UFSP2: variants seen among roughly 807,000 people sequenced by gnomAD.
UFSP2 encodes ufm1-specific protease 2.
A neutral mutation model predicts 60.2 loss-of-function variants in UFSP2; 43 were observed. That is an observed-to-expected ratio of 0.71 (90% CI 0.56 to 0.92). The LOEUF is 0.92. Ranked by LOEUF, UFSP2 falls within the 40% of genes least tolerant of loss-of-function variation. The pLI is 0.00. For synonymous variants in UFSP2, 183 were observed against 195.1 expected, an observed-to-expected ratio of 0.94 and a Z score of 0.52; for missense variants, 520 against 575.0, an observed-to-expected ratio of 0.90 and a Z score of 0.98.
chr4:185,408,448 AAG>A lies in UFSP2; in HGVS notation c.832-15_832-14del. On this transcript the variant is annotated splice_polypyrimidine_tract_variant and intron_variant, in intron 7 of 11. Transcript: ENST00000264689. ...GGACCACATAAATCTATATACAGAG[AAG>A]AAACACAGTAAAATATTAACTTAGG... The A allele has an allele frequency of 6.2e-7, 1 of 1,609,722 alleles. No homozygotes were observed. Among genetic ancestry groups the A allele is most frequent in the South Asian group, 1.1e-5 (1 of 90,710 alleles).
intron 9 of UFSP2, among the ~76,000 whole-genome samples, chr4:185,406,833 C>T (rs1420471654): frequency 6.6e-6 from 1 of 152,048 alleles, no homozygotes; most frequent in Non-Finnish European, 1.5e-5. Flanking sequence ...ACCTTGGCCT[C>T]CCAAAGTGCT....
In UFSP2 at chr4:185,399,867, C is replaced by G; in HGVS notation, c.*525G>C. On this transcript the variant is annotated 3_prime_UTR_variant, in exon 12 of 12. Transcript: ENST00000264689. ...CCATTTAATACTGACACTCGTATTT[C>G]TAGTAGTATTGTTTCATTCTCATTA... 1 of 1,560,380 alleles carries G rather than the reference C, an allele frequency of 6.4e-7. No individual in the cohort carries two copies. Among genetic ancestry groups the G allele is most frequent in the South Asian group, 1.2e-5 (1 of 83,574 alleles).
intron 10 of UFSP2, among the ~76,000 whole-genome samples, chr4:185,405,562 T>C (rs1308722883): frequency 6.6e-6 from 1 of 152,230 alleles, no homozygotes; most frequent in African/African-American, 2.4e-5. Context: ...ATAGCTACCA[T>C]TTCTCAGCCT....
At position 185,402,451 on chromosome 4, in the gene UFSP2, G is replaced by A. The variant is rs1261696241; in HGVS notation, c.1323+1043C>T. ...AAACAAAAGACTTCAGTAAACTGAG[G>A]ATATAACAGAGTTGGACTACACACA... On this transcript the variant is annotated intron_variant, in intron 11 of 11. Transcript: ENST00000264689. The A allele has an allele frequency of 1.3e-5, 5 of 371,154 alleles. No homozygotes were observed. The East Asian group carries it at 2.9e-4, about 21-fold the overall frequency. 23.0% of individuals were successfully genotyped at this position (371,154 alleles called of 1,614,324 possible). A position where few individuals can be genotyped will look rare whatever the true frequency, so the allele number is the denominator to read the frequency against.
chr4:185,403,358 A>C (rs2095515572), intron 11 of UFSP2, 136 bp downstream of exon 11: 1 of 1,130,712 alleles, frequency 8.8e-7, no homozygotes, highest in Non-Finnish European at 1.2e-6. Context: ...ACGGCTACTT[A>C]CAACAGCCTC....
In UFSP2 at chr4:185,399,690, T is replaced by C. The variant is rs777135694; in HGVS notation, c.*702A>G. 7 of 1,614,036 alleles carry C rather than the reference T, an allele frequency of 4.3e-6. No homozygotes were observed. The highest frequency in any genetic ancestry group is 1.6e-4 in the Middle Eastern group (1 of 6,084). On this transcript the variant is annotated 3_prime_UTR_variant, in exon 12 of 12. Transcript: ENST00000264689. ...AGACAATAAAAGCAAGTGAACACCCTGACAGGAATGATTGTGTTGCCGTGC... is the reference window on the plus strand; with the variant it reads ...AGACAATAAAAGCAAGTGAACACCCCGACAGGAATGATTGTGTTGCCGTGC...
At chr4:185,422,727 C>CTTTAA (rs2095551696) in intron 1 of UFSP2, among the ~76,000 whole-genome samples, 164 bp from the exon 2 acceptor site, 1 of 152,168 alleles carries the variant, frequency 6.6e-6, no homozygotes, top group Non-Finnish European at 1.5e-5. Context: ...AAAACAAAAG[C>CTTTAA]AACCCCAAAA....
In UFSP2 at chr4:185,413,747, T is replaced by C. The variant is rs1389313801; in HGVS notation, c.810A>G (p.Pro270=). ...YIRNPHTYLN[P]PNMETGMIYV... ...TCACCATACCAGTCTCCATGTTAGG[T>C]GGATTAAGGTAAGTATGTGGATTTC... Residue 270 remains proline, a synonymous_variant, in exon 7 of 12, where the codon CCA becomes CCG. Coordinates refer to ENST00000264689, the MANE Select transcript of UFSP2 (RefSeq NM_018359.5). The C allele has an allele frequency of 6.2e-7, 1 of 1,611,968 alleles. No homozygotes were observed. The highest frequency in any genetic ancestry group is 8.5e-7 in the Non-Finnish European group (1 of 1,179,328).
At chr4:185,419,933 A>G (rs1304352891) in intron 2 of UFSP2, among the ~76,000 whole-genome samples, 1 of 152,214 alleles carries the variant, frequency 6.6e-6, no homozygotes, top group East Asian at 1.9e-4. Context: ...GATCACCTAG[A>G]ATAGAATTTC....
chr4:185,417,652 T>C (rs1472710279), intron 4 of UFSP2, among the ~76,000 whole-genome samples: 2 of 152,232 alleles, frequency 1.3e-5, no homozygotes, highest in Non-Finnish European at 2.9e-5. Context: ...ATTAACTTCA[T>C]ACAACTTCGT....
intron 7 of UFSP2, 143 bp from the exon 8 acceptor site, chr4:185,408,578 T>G: frequency 1.2e-6 from 1 of 852,154 alleles, no homozygotes; most frequent in Non-Finnish European, 1.8e-6. Context: ...AGATCTATGG[T>G]TTAACATTAT....
At chr4:185,416,066 C>T (rs1280502705) in intron 4 of UFSP2, 199 bp from the exon 5 acceptor site, 1 of 415,892 alleles carries the variant, frequency 2.4e-6, no homozygotes, top group African/African-American at 2.0e-5. Flanking sequence ...ACTGAGATAA[C>T]TCACTACCCT....
chr4:185,413,070 C>G (rs140066463), intron 7 of UFSP2, among the ~76,000 whole-genome samples: 1 of 152,140 alleles, frequency 6.6e-6, no homozygotes, highest in African/African-American at 2.4e-5. Context: ...CTTTGGGAGG[C>G]CTACATGGCG....
chr4:185,417,007 G>T (rs2095539884), intron 4 of UFSP2, among the ~76,000 whole-genome samples: 1 of 152,182 alleles, frequency 6.6e-6, no homozygotes, highest in Non-Finnish European at 1.5e-5. Context: ...AGATACATAT[G>T]TAGTTTCTTC....
chr4:185,401,716 AAGG>A (rs550705961), intron 11 of UFSP2, among the ~76,000 whole-genome samples: 2 of 152,206 alleles, frequency 1.3e-5, no homozygotes, highest in Non-Finnish European at 2.9e-5. Context: ...CAAATAGAGC[AAGG>A]AGGTTTCTGC....
chr4:185,406,612 G>A (rs1383959622), intron 9 of UFSP2, among the ~76,000 whole-genome samples: 1 of 152,182 alleles, frequency 6.6e-6, no homozygotes, highest in Non-Finnish European at 1.5e-5. Flanking sequence ...GGCTCGCTCT[G>A]TTGCCCAGGC....
rs758982123 is a variant in UFSP2 at position 185,415,211 on chromosome 4, C to G, written c.628G>C (p.Val210Leu). The change falls in exon 6 of 12, where the codon GTA becomes CTA. Residue 210 changes from valine to leucine, a missense_variant. Physicochemically the swap from Val to Leu is conservative, Grantham distance 32 (BLOSUM62 1). Transcript: ENST00000264689. ...ATTCCTGAAGGATATGAAATTGTTACAAGATTTTTTTTCCCTGGTAATAAA... is the reference window on the plus strand; with the variant it reads ...ATTCCTGAAGGATATGAAATTGTTAGAAGATTTTTTTTCCCTGGTAATAAA... Reference protein sequence around the residue: ...HFLLPGKKNLVTISYPSGIPD... With the variant: ...HFLLPGKKNLLTISYPSGIPD... 1 of 1,607,358 alleles carries G rather than the reference C, an allele frequency of 6.2e-7. No homozygotes were observed. The highest frequency in any genetic ancestry group is 8.5e-7 in the Non-Finnish European group (1 of 1,178,714).
chr4:185,422,714 A>C (rs2095551636), intron 1 of UFSP2, 151 bp from the exon 2 acceptor site: 1 of 659,952 alleles, frequency 1.5e-6, no homozygotes, highest in Admixed American at 3.5e-5. Flanking sequence ...TATAGAAAAA[A>C]CAAAAACAAA....
chr4:185,407,450 G>T, intron 9 of UFSP2, among the ~76,000 whole-genome samples: 1 of 152,002 alleles, frequency 6.6e-6, no homozygotes, highest in African/African-American at 2.4e-5. Context: ...TTTAATATTA[G>T]AATTATGGTT....
Sources: gnomAD v4.1 joint callset for allele counts (sites outside exome capture counted in the v4.1 genomes callset) on GRCh38, gnomAD v4.1.1 for gene constraint, MANE v1.5 for transcripts, NCBI Gene and HGNC (gene_info 2026-07-23, HGNC 2026-07-21) for gene names.